Variants in WNT3 observed in about 807,000 individuals in gnomAD.
WNT3 encodes the protein proto-oncogene Wnt-3.
WNT3 carries 7 observed loss-of-function variants against 34.2 expected under a neutral mutation model. The observed-to-expected ratio is 0.20, with a 90% CI of 0.12 to 0.38. The LOEUF (loss-of-function observed/expected upper bound fraction) is 0.38. WNT3 is among the 10% of genes least tolerant of loss of function. The pLI is 1.00. For missense variants in WNT3, 267 were observed against 499.8 expected (o/e 0.53, Z 4.44); for synonymous variants, 212 against 211.5 (o/e 1.00, Z -0.02).
intron 1 of WNT3, among the ~76,000 whole-genome samples, chr17:46,817,209 C>T (rs55712067): frequency 0.2 from 30,487 of 152,134 alleles, 3,874 homozygotes; most frequent in East Asian, 0.34. Context: ...CCCCAAGTCT[C>T]GCTGTCTCTG....
chr17:46,818,119 C>T (rs1369222665), intron 1 of WNT3, among the ~76,000 whole-genome samples: 1 of 151,828 alleles, frequency 6.6e-6, no homozygotes, highest in African/African-American at 2.4e-5. Flanking sequence ...ATGGTTTTGC[C>T]CATGAAGACC....
At chr17:46,802,259 C>G (rs975509720) in intron 1 of WNT3, among the ~76,000 whole-genome samples, 2 of 151,960 alleles carry the variant, frequency 1.3e-5, no homozygotes, top group African/African-American at 4.8e-5. Context: ...AAGGGTTGGA[C>G]TTTCTTTTCT....
At chr17:46,808,418 G>C (rs1190720825) in intron 1 of WNT3, among the ~76,000 whole-genome samples, 1 of 152,166 alleles carries the variant, frequency 6.6e-6, no homozygotes, top group African/African-American at 2.4e-5. Context: ...CCATCCTTTG[G>C]GGAACAAAGT....
chr17:46,790,107 G>A (rs905988281), intron 1 of WNT3, among the ~76,000 whole-genome samples: 2 of 152,136 alleles, frequency 1.3e-5, no homozygotes, highest in African/African-American at 2.4e-5. Context: ...AGGCAGTCCA[G>A]AGCGAGCCTC....
chr17:46,808,634 A>G lies in WNT3; in HGVS notation c.80+9884T>C, dbSNP rs533255296. 1.5e-3 allele frequency among the ~76,000 whole-genome samples: 226 copies of G among 152,350 alleles called. 1 individual carries two copies. The highest frequency in any genetic ancestry group is 1.5e-3 in the Non-Finnish European group (99 of 68,024). ...ATGATGTCTGCATGGGGATCAGCAC[A>G]TAGCACATGGTCAACAAACGTATTA... On this transcript the variant is annotated intron_variant, in intron 1 of 4. Coordinates refer to ENST00000225512, the MANE Select transcript of WNT3 (RefSeq NM_030753.5).
chr17:46,811,039 G>A (rs961995916), intron 1 of WNT3, among the ~76,000 whole-genome samples: 1 of 152,056 alleles, frequency 6.6e-6, no homozygotes, highest in African/African-American at 2.4e-5. Flanking sequence ...GAGAAGGCCC[G>A]CCTCAGGGGG....
chr17:46,786,191 G>A (rs2059505040), intron 1 of WNT3, among the ~76,000 whole-genome samples: 1 of 152,050 alleles, frequency 6.6e-6, no homozygotes, highest in Non-Finnish European at 1.5e-5. Context: ...GGTGGGACCT[G>A]GGGAGGAGGA....
chr17:46,789,944 T>G (rs979802472), intron 1 of WNT3, among the ~76,000 whole-genome samples: 2 of 152,184 alleles, frequency 1.3e-5, no homozygotes, highest in Non-Finnish European at 2.9e-5. Flanking sequence ...GGAGGGCTTC[T>G]TTGCGCCTCA....
chr17:46,770,575 TCA>T (rs1431990399), intron 2 of WNT3, among the ~76,000 whole-genome samples: 2 of 152,114 alleles, frequency 1.3e-5, no homozygotes. Flanking sequence ...TTTCTCGGTC[TCA>T]GTCGCCCTTT....
In WNT3 at chr17:46,773,830, T is replaced by G. The variant is rs745450126; in HGVS notation, c.160A>C (p.Lys54Gln). ...TAATTGCGGCAGAAGCGCAGTTGCT[T>G]GGGGACCAGGCCTGGGATGGAGCCG... is the stretch of plus-strand genomic sequence containing the variant. Reference protein sequence around the residue: ...LCGSIPGLVPKQLRFCRNYIE... With the variant: ...LCGSIPGLVPQQLRFCRNYIE... Residue 54 changes from lysine to glutamine, a missense_variant, in exon 2 of 5, where the codon AAG becomes CAG. Transcript: ENST00000225512. 19 of 1,613,320 alleles carry G rather than the reference T, an allele frequency of 1.2e-5. No homozygotes were observed. Among genetic ancestry groups the G allele is most frequent in the Non-Finnish European group, 1.2e-5 (14 of 1,179,988 alleles).
intron 1 of WNT3, among the ~76,000 whole-genome samples, chr17:46,816,107 G>A (rs1410575522): frequency 6.5e-5 from 3 of 46,262 alleles, no homozygotes; most frequent in African/African-American, 1.6e-4. Context: ...GCATGCGCGC[G>A]CACGTACACA....
At position 46,811,803 on chromosome 17, in the gene WNT3, A is replaced by C. The variant is rs369503283; in HGVS notation, c.80+6715T>G. Among the ~76,000 whole-genome samples, 9 of 152,236 alleles carry C rather than the reference A, an allele frequency of 5.9e-5. No individual in the cohort carries two copies. The South Asian group carries it at 1.7e-3, about 28-fold the overall frequency. The stretch of plus-strand genomic sequence containing the variant: ...AACCCCCATCTCTACTAAAAAATTC[A>C]AATATTAGCCAGGCATCCTGGTGCG... On this transcript the variant is annotated intron_variant, in intron 1 of 4. Coordinates refer to ENST00000225512, the MANE Select transcript of WNT3 (RefSeq NM_030753.5).
chr17:46,816,837 G>A (rs1323649347), intron 1 of WNT3, among the ~76,000 whole-genome samples: 4 of 152,162 alleles, frequency 2.6e-5, no homozygotes, highest in Non-Finnish European at 4.4e-5. Context: ...AAAGCAAGGC[G>A]AAAAACGGCA....
At chr17:46,769,731 G>C in intron 3 of WNT3, 52 bp downstream of exon 3, 3 of 1,599,150 alleles carry the variant, frequency 1.9e-6, no homozygotes, top group Non-Finnish European at 2.5e-6. Context: ...AGCTCCGGAG[G>C]GGAAGCGGGG....
rs146535157 is a variant in WNT3 at position 46,813,410 on chromosome 17, TC to T, written c.80+5107del. ...CTCCATCTCCCCACTCTCACCATTT[TC>T]CAGCATACAAGATAACATGGATGTA... On this transcript the variant is annotated intron_variant, in intron 1 of 4. Coordinates refer to ENST00000225512, the MANE Select transcript of WNT3 (RefSeq NM_030753.5). Among the ~76,000 whole-genome samples the T allele has an allele frequency of 2.7e-3, 382 of 140,086 alleles. 12 individuals carry two copies. The East Asian group carries it at 0.068, about 25-fold the overall frequency. 91.9% of individuals were successfully genotyped at this position (140,086 alleles called of 152,430 possible). A position where few individuals can be genotyped will look rare whatever the true frequency, so the allele number is the denominator to read the frequency against.
In WNT3 at chr17:46,811,166, C is replaced by T. The variant is rs371517289; in HGVS notation, c.80+7352G>A. Among the ~76,000 whole-genome samples the T allele has an allele frequency of 4.9e-5, 5 of 101,052 alleles. 1 individual carries two copies. The highest frequency in any genetic ancestry group is 4.6e-4 in the Admixed American group (5 of 10,836). 66.3% of individuals were successfully genotyped at this position (101,052 alleles called of 152,430 possible). On this transcript the variant is annotated intron_variant, in intron 1 of 4. Transcript: ENST00000225512. ...TGGCTTCAGCAACTCTACCCCTGCCCGCCCTACACCTTTCCAGCCTTAAGA... is the reference window on the plus strand; with the variant it reads ...TGGCTTCAGCAACTCTACCCCTGCCTGCCCTACACCTTTCCAGCCTTAAGA...
chr17:46,806,030 G>A (rs895087679), intron 1 of WNT3, among the ~76,000 whole-genome samples: 6 of 152,066 alleles, frequency 3.9e-5, no homozygotes, highest in African/African-American at 1.2e-4. Context: ...TGGGGTTGTC[G>A]GGAGGATGAG....
intron 1 of WNT3, 41 bp downstream of exon 1, chr17:46,818,477 C>T (rs111719893): frequency 8.3e-6 from 13 of 1,572,424 alleles, no homozygotes; most frequent in African/African-American, 8.1e-5. Flanking sequence ...CCGGACGCGG[C>T]GGAGAAACCG....
chr17:46,785,942 T>A (rs2059501515), intron 1 of WNT3, among the ~76,000 whole-genome samples: 1 of 152,254 alleles, frequency 6.6e-6, no homozygotes, highest in Admixed American at 6.5e-5. Flanking sequence ...TGCCTGCGGC[T>A]CTGGCTGATC....
Sources: gnomAD v4.1 joint callset for allele counts (sites outside exome capture counted in the v4.1 genomes callset) on GRCh38, gnomAD v4.1.1 for gene constraint, MANE v1.5 for transcripts, NCBI Gene and HGNC (gene_info 2026-07-23, HGNC 2026-07-21) for gene names.